Variants in SPMIP2 observed in about 807,000 individuals in gnomAD.
SPMIP2 encodes sperm microtubule inner protein 2.
chr4:158,978,001 A>C, the SPMIP2 span, among the ~76,000 whole-genome samples: 3 of 151,824 alleles, frequency 2.0e-5, no homozygotes, highest in Admixed American at 1.3e-4. Context: ...AGCTCTTTTA[A>C]TTGTGATGTT....
chr4:158,956,698 G>A, the SPMIP2 span, among the ~76,000 whole-genome samples: 6 of 152,162 alleles, frequency 3.9e-5, no homozygotes, highest in Non-Finnish European at 8.8e-5. Context: ...TGTTAAATCT[G>A]CTTCATCAGA....
At chr4:159,016,480 AT>A in the SPMIP2 span, among the ~76,000 whole-genome samples, 5 of 152,200 alleles carry the variant, frequency 3.3e-5, no homozygotes, top group Non-Finnish European at 7.3e-5. Flanking sequence ...AAATCCAGCA[AT>A]TTAAAAATTA....
chr4:158,917,042 G>A, the SPMIP2 span, among the ~76,000 whole-genome samples: 152,119 of 152,326 alleles, frequency 1, 75,957 homozygotes, highest in East Asian at 1. Flanking sequence ...CGAGGTCAGG[G>A]GATCAAGACC....
At chr4:159,026,427 GA>G in the SPMIP2 span, 1 of 969,640 alleles carries the variant, frequency 1.0e-6, no homozygotes. Context: ...GGGATGGGAA[GA>G]AAAGCACAAT....
At chr4:158,981,101 TATCAGAGATTGAAG>T in the SPMIP2 span, among the ~76,000 whole-genome samples, 3 of 152,014 alleles carry the variant, frequency 2.0e-5, no homozygotes, top group Non-Finnish European at 4.4e-5. Flanking sequence ...GAAGAAAGGA[TATCAGAGATTGAAG>T]ATCAACTGAA....
the SPMIP2 span, among the ~76,000 whole-genome samples, chr4:159,032,392 A>T: frequency 6.6e-6 from 1 of 152,234 alleles, no homozygotes; most frequent in South Asian, 2.1e-4. Flanking sequence ...TAATTTATGC[A>T]AAGTATTCAT....
the SPMIP2 span, among the ~76,000 whole-genome samples, chr4:158,902,715 C>A: frequency 2.6e-5 from 4 of 152,338 alleles, no homozygotes; most frequent in South Asian, 8.3e-4. Flanking sequence ...GCAGTCTGGC[C>A]CCAGTGGCCT....
chr4:158,903,043 C>T, the SPMIP2 span, among the ~76,000 whole-genome samples: 1 of 152,180 alleles, frequency 6.6e-6, no homozygotes, highest in Non-Finnish European at 1.5e-5. Flanking sequence ...GGAAAAAAAA[C>T]TCTTGCAGCT....
chr4:158,929,267 C>T, the SPMIP2 span, among the ~76,000 whole-genome samples: 18 of 152,372 alleles, frequency 1.2e-4, no homozygotes, highest in Non-Finnish European at 1.2e-4. Flanking sequence ...GTCTTCCTGC[C>T]TTGGCCTCTC....
At chr4:158,966,800 C>CT in the SPMIP2 span, among the ~76,000 whole-genome samples, 1 of 151,906 alleles carries the variant, frequency 6.6e-6, no homozygotes, top group South Asian at 2.1e-4. Flanking sequence ...CCTTTTTTTT[C>CT]TTTCCTTTTT....
chr4:159,056,350 C>T, the SPMIP2 span, among the ~76,000 whole-genome samples: 1 of 151,966 alleles, frequency 6.6e-6, no homozygotes, highest in African/African-American at 2.4e-5. Flanking sequence ...AGGGGAAGTT[C>T]ACAGTCTTCC....
At chr4:158,903,570 G>A in the SPMIP2 span, among the ~76,000 whole-genome samples, 3 of 152,048 alleles carry the variant, frequency 2.0e-5, no homozygotes, top group Admixed American at 1.3e-4. Context: ...GGTCCTCTTA[G>A]TGCATTATTA....
At chr4:158,993,262 G>A in the SPMIP2 span, among the ~76,000 whole-genome samples, 9 of 152,160 alleles carry the variant, frequency 5.9e-5, no homozygotes, top group Middle Eastern at 3.4e-3. Flanking sequence ...AGCTCCTCAG[G>A]AGGCTGAGGC....
the SPMIP2 span, among the ~76,000 whole-genome samples, chr4:158,977,625 T>TTTTTTTTC: frequency 4.8e-5 from 5 of 104,336 alleles, no homozygotes; most frequent in Non-Finnish European, 7.5e-5. Context: ...TTTTTTTTTT[T>TTTTTTTTC]TCTCTTTGAG....
At chr4:159,070,762 C>T in the SPMIP2 span, among the ~76,000 whole-genome samples, 3 of 152,154 alleles carry the variant, frequency 2.0e-5, no homozygotes, top group African/African-American at 4.8e-5. Context: ...TAAATGTATG[C>T]AGACCCATAT....
chr4:158,965,701 G>T, the SPMIP2 span, among the ~76,000 whole-genome samples: 2 of 117,152 alleles, frequency 1.7e-5, no homozygotes, highest in Non-Finnish European at 4.0e-5. Flanking sequence ...AGTTTTGAAT[G>T]ATTTTATTGA....
chr4:159,009,262 C>T, the SPMIP2 span, among the ~76,000 whole-genome samples: 8 of 152,098 alleles, frequency 5.3e-5, no homozygotes, highest in African/African-American at 1.9e-4. Context: ...ATCCCCTGAC[C>T]GACAGCATAA....
At chr4:159,017,580 G>A in the SPMIP2 span, among the ~76,000 whole-genome samples, 1 of 152,042 alleles carries the variant, frequency 6.6e-6, no homozygotes, top group South Asian at 2.1e-4. Flanking sequence ...GATCTTTTTA[G>A]TGTACTCTGT....
At chr4:158,959,460 T>C in the SPMIP2 span, among the ~76,000 whole-genome samples, 2 of 152,090 alleles carry the variant, frequency 1.3e-5, no homozygotes, top group East Asian at 3.8e-4. Context: ...TGTTCTGAAA[T>C]AATAGGCTTT....
Sources: gnomAD v4.1 joint callset for allele counts (sites outside exome capture counted in the v4.1 genomes callset) on GRCh38, gnomAD v4.1.1 for gene constraint, MANE v1.5 for transcripts, NCBI Gene and HGNC (gene_info 2026-07-23, HGNC 2026-07-21) for gene names.